Variants in BLTP3A observed in about 807,000 individuals in gnomAD.
BLTP3A encodes bridge-like lipid transfer protein family member 3A.
At chr6:34,814,835 T>G in the BLTP3A span, among the ~76,000 whole-genome samples, 1 of 152,208 alleles carries the variant, frequency 6.6e-6, no homozygotes, top group African/African-American at 2.4e-5. Flanking sequence ...TTAACACAGG[T>G]TAAGCACACC....
chr6:34,859,319 C>T, the BLTP3A span: 1 of 1,613,920 alleles, frequency 6.2e-7, no homozygotes, highest in South Asian at 1.1e-5. Flanking sequence ...GCCTCCAGCT[C>T]ACCAGCTGCA....
the BLTP3A span, chr6:34,872,364 T>G: frequency 1.2e-6 from 2 of 1,613,148 alleles, no homozygotes; most frequent in Non-Finnish European, 1.7e-6. Context: ...TAAACAAGCC[T>G]TGGCCAATGC....
the BLTP3A span, chr6:34,856,319 T>C: frequency 6.2e-7 from 1 of 1,614,096 alleles, no homozygotes; most frequent in Non-Finnish European, 8.5e-7. Flanking sequence ...GGTGATGGAA[T>C]TTCAGAGCAA....
chr6:34,829,700 T>A, the BLTP3A span, among the ~76,000 whole-genome samples: 1 of 152,078 alleles, frequency 6.6e-6, no homozygotes, highest in Non-Finnish European at 1.5e-5. Flanking sequence ...AGTGGTGCGA[T>A]CTCAGCTCAC....
chr6:34,842,601 T>C, the BLTP3A span, among the ~76,000 whole-genome samples: 2 of 152,154 alleles, frequency 1.3e-5, no homozygotes, highest in Admixed American at 6.5e-5. Flanking sequence ...CCCAGCACTT[T>C]GGGAGGCCGA....
the BLTP3A span, chr6:34,873,855 TA>T: frequency 2.2e-3 from 330 of 152,980 alleles, 1 homozygote; most frequent in African/African-American, 7.5e-3. Flanking sequence ...CAGTGGTGTT[TA>T]CAACTAATTG....
At chr6:34,834,400 A>T in the BLTP3A span, 1 of 1,612,948 alleles carries the variant, frequency 6.2e-7, no homozygotes, top group Non-Finnish European at 8.5e-7. Flanking sequence ...ACCCCTGCCG[A>T]GGAGAGGTGA....
the BLTP3A span, chr6:34,871,848 G>A: frequency 1.2e-5 from 19 of 1,614,116 alleles, no homozygotes; most frequent in Non-Finnish European, 1.6e-5. Context: ...ATCAGCTGAA[G>A]TACTTAAAAG....
At chr6:34,823,185 C>CA in the BLTP3A span, 4 of 1,305,896 alleles carry the variant, frequency 3.1e-6, no homozygotes, top group East Asian at 9.2e-5. Flanking sequence ...AGATGAATGA[C>CA]ACAGTCTGTG....
the BLTP3A span, among the ~76,000 whole-genome samples, chr6:34,839,337 ACTCTTT>A: frequency 8.5e-6 from 1 of 117,618 alleles, no homozygotes; most frequent in African/African-American, 4.6e-5. Context: ...AGTTCTTGTA[ACTCTTT>A]CTCTGGGATT....
At chr6:34,855,951 A>G in the BLTP3A span, 1 of 980,550 alleles carries the variant, frequency 1.0e-6, no homozygotes, top group Non-Finnish European at 1.2e-6. Context: ...ATTGCTTTTG[A>G]TTCTACTCTC....
At chr6:34,842,147 A>T in the BLTP3A span, among the ~76,000 whole-genome samples, 1 of 152,150 alleles carries the variant, frequency 6.6e-6, no homozygotes, top group Non-Finnish European at 1.5e-5. Context: ...TTTAGCTCTA[A>T]GCAACTCCAG....
the BLTP3A span, among the ~76,000 whole-genome samples, chr6:34,854,128 A>G: frequency 2.4e-4 from 37 of 152,278 alleles, no homozygotes; most frequent in African/African-American, 7.5e-4. Flanking sequence ...AGGCTGAGGC[A>G]GGAGAATCAC....
chr6:34,824,323 A>C, the BLTP3A span, among the ~76,000 whole-genome samples: 1 of 151,996 alleles, frequency 6.6e-6, no homozygotes, highest in Admixed American at 6.6e-5. Flanking sequence ...ACCTGAGGTC[A>C]GGAGTTCGAG....
chr6:34,792,927 C>T, the BLTP3A span, among the ~76,000 whole-genome samples: 1 of 152,224 alleles, frequency 6.6e-6, no homozygotes, highest in Non-Finnish European at 1.5e-5. Flanking sequence ...TGGAAAAGCC[C>T]AGCACCCAGG....
the BLTP3A span, among the ~76,000 whole-genome samples, chr6:34,815,768 A>G: frequency 1.3e-5 from 2 of 151,662 alleles, no homozygotes; most frequent in Non-Finnish European, 2.9e-5. Context: ...TCAGCCTCCC[A>G]AGTAGCTGGG....
the BLTP3A span, among the ~76,000 whole-genome samples, chr6:34,798,506 G>A: frequency 6.6e-6 from 1 of 151,956 alleles, no homozygotes; most frequent in African/African-American, 2.4e-5. Context: ...TCCACCAGAA[G>A]TGTGTGAGGG....
chr6:34,808,919 G>T, the BLTP3A span, among the ~76,000 whole-genome samples: 1 of 152,090 alleles, frequency 6.6e-6, no homozygotes, highest in Admixed American at 6.6e-5. Context: ...TAAGTGAAAT[G>T]CACAAAATTA....
the BLTP3A span, among the ~76,000 whole-genome samples, chr6:34,851,076 T>G: frequency 6.6e-6 from 1 of 152,262 alleles, no homozygotes; most frequent in East Asian, 1.9e-4. Flanking sequence ...TGTGTTATCT[T>G]GAATTTCATT....
Sources: gnomAD v4.1 joint callset for allele counts (sites outside exome capture counted in the v4.1 genomes callset) on GRCh38, gnomAD v4.1.1 for gene constraint, MANE v1.5 for transcripts, NCBI Gene and HGNC (gene_info 2026-07-23, HGNC 2026-07-21) for gene names.